The following RAB28 variants were observed in gnomAD, a reference collection of about 807,000 sequenced individuals.
RAB28 encodes RAB28, member RAS oncogene family, also known as ras-related protein Rab-28.
In RAB28, 24 loss-of-function variants were observed where a neutral mutation model predicts 31.7. The ratio of observed to expected loss-of-function variants is 0.76; its 90% CI spans 0.55 to 1.06. RAB28 has a LOEUF of 1.06. Ranked by LOEUF, RAB28 falls within the 50% of genes least tolerant of loss-of-function variation. The pLI is 0.00. For missense variants in RAB28, 254 were observed against 258.5 expected (o/e 0.98, Z 0.12); for synonymous variants, 100 against 90.4 (o/e 1.11, Z -0.60).
chr4:13,453,648 T>C (rs949882678), intron 4 of RAB28, among the ~76,000 whole-genome samples: 3 of 152,118 alleles, frequency 2.0e-5, no homozygotes, highest in Non-Finnish European at 2.9e-5. Context: ...GAACTTTCAA[T>C]AGGTAATTCC....
chr4:13,440,264 C>T (rs1714346740), intron 4 of RAB28, among the ~76,000 whole-genome samples: 2 of 151,706 alleles, frequency 1.3e-5, no homozygotes, highest in South Asian at 4.2e-4. Flanking sequence ...AGTAATAGTT[C>T]AAAAAGAAGA....
chr4:13,458,260 A>G (rs993840574), intron 4 of RAB28, among the ~76,000 whole-genome samples: 2 of 151,986 alleles, frequency 1.3e-5, no homozygotes, highest in Admixed American at 6.6e-5. Context: ...CTGTATTTTT[A>G]ACTCCTCAGA....
At chr4:13,371,974 T>A (rs986254685) in intron 6 of RAB28, 2 of 1,119,954 alleles carry the variant, frequency 1.8e-6, no homozygotes, top group African/African-American at 3.1e-5. Context: ...ATGGAGGGCA[T>A]AAGCAAGAAA....
At chr4:13,379,578 T>C (rs1457668679) in intron 5 of RAB28, among the ~76,000 whole-genome samples, 1 of 152,160 alleles carries the variant, frequency 6.6e-6, no homozygotes, top group African/African-American at 2.4e-5. Flanking sequence ...TTAGGATCAA[T>C]GTCTTGTAGG....
intron 4 of RAB28, among the ~76,000 whole-genome samples, chr4:13,446,951 C>T (rs1714729813): frequency 1.3e-5 from 2 of 152,174 alleles, no homozygotes; most frequent in South Asian, 2.1e-4. Flanking sequence ...AAACCTATTC[C>T]TCTTAACAGT....
chr4:13,474,238 G>A, intron 3 of RAB28, 80 bp downstream of exon 3: 1 of 888,188 alleles, frequency 1.1e-6, no homozygotes, highest in South Asian at 1.3e-5. Flanking sequence ...GTGTGTGTGT[G>A]TGCATTTGGG....
intron 4 of RAB28, among the ~76,000 whole-genome samples, chr4:13,412,941 C>T (rs2108911272): frequency 6.6e-6 from 1 of 151,804 alleles, no homozygotes; most frequent in Non-Finnish European, 1.5e-5. Flanking sequence ...GAAAAAGACA[C>T]TACTGAAAAG....
At chr4:13,470,067 C>T (rs757824363) in intron 3 of RAB28, among the ~76,000 whole-genome samples, 4 of 151,998 alleles carry the variant, frequency 2.6e-5, no homozygotes, top group Non-Finnish European at 5.9e-5. Context: ...GATAATAGTT[C>T]GTCAGTGTAA....
At chr4:13,465,696 C>T (rs189400771) in intron 3 of RAB28, among the ~76,000 whole-genome samples, 27 of 151,010 alleles carry the variant, frequency 1.8e-4, no homozygotes, top group Admixed American at 3.3e-4. Flanking sequence ...AGAAACTAAA[C>T]TCTACATAGG....
intron 4 of RAB28, among the ~76,000 whole-genome samples, chr4:13,433,856 A>G (rs774435619): frequency 9.9e-5 from 15 of 152,142 alleles, no homozygotes; most frequent in Non-Finnish European, 2.1e-4. Context: ...ATATATATAT[A>G]TGCTCATATG....
At chr4:13,399,806 TTG>T (rs1165753453) in intron 4 of RAB28, among the ~76,000 whole-genome samples, 1 of 152,222 alleles carries the variant, frequency 6.6e-6, no homozygotes, top group East Asian at 1.9e-4. Context: ...TTCAGTTATT[TTG>T]TGTTACACAC....
intron 5 of RAB28, among the ~76,000 whole-genome samples, chr4:13,379,067 C>A (rs571596134): frequency 1.3e-5 from 2 of 151,240 alleles, no homozygotes; most frequent in African/African-American, 2.4e-5. Context: ...ATTAGCCAGG[C>A]GTGGTGGTGG....
intron 1 of RAB28, among the ~76,000 whole-genome samples, chr4:13,480,012 C>A (rs1716539592): frequency 6.6e-6 from 1 of 151,428 alleles, no homozygotes; most frequent in Non-Finnish European, 1.5e-5. Flanking sequence ...AAGAAAAGCA[C>A]CGTATGTAAT....
At chr4:13,451,868 T>C (rs148047660) in intron 4 of RAB28, among the ~76,000 whole-genome samples, 1,783 of 152,112 alleles carry the variant, frequency 0.012, 38 homozygotes, top group African/African-American at 0.04. Context: ...CTGAGTGTTC[T>C]TGAACATTTG....
intron 4 of RAB28, among the ~76,000 whole-genome samples, chr4:13,455,619 C>T (rs1217010397): frequency 1.3e-5 from 2 of 152,176 alleles, no homozygotes; most frequent in African/African-American, 2.4e-5. Context: ...ACTCACAAGG[C>T]GTGGGTGGGG....
intron 2 of RAB28, among the ~76,000 whole-genome samples, chr4:13,477,397 T>C (rs956855159): frequency 3.3e-5 from 5 of 151,586 alleles, no homozygotes; most frequent in African/African-American, 9.7e-5. Flanking sequence ...TCACCGACTA[T>C]GCTATAAATT....
intron 4 of RAB28, among the ~76,000 whole-genome samples, chr4:13,424,850 TCTA>T (rs996045978): frequency 6.6e-6 from 1 of 152,168 alleles, no homozygotes; most frequent in African/African-American, 2.4e-5. Flanking sequence ...AATTTCTCTC[TCTA>T]CTATTTCATT....
chr4:13,453,822 T>A (rs1715101924), intron 4 of RAB28, among the ~76,000 whole-genome samples: 1 of 152,164 alleles, frequency 6.6e-6, no homozygotes. Flanking sequence ...TTGGGTTAAA[T>A]CTACTTCAGG....
At chr4:13,463,010 G>A (rs1399032749) in intron 3 of RAB28, among the ~76,000 whole-genome samples, 2 of 152,106 alleles carry the variant, frequency 1.3e-5, no homozygotes, top group African/African-American at 2.4e-5. Flanking sequence ...GGCAACATTC[G>A]TTACCTCACT....
Sources: gnomAD v4.1 joint callset for allele counts (sites outside exome capture counted in the v4.1 genomes callset) on GRCh38, gnomAD v4.1.1 for gene constraint, MANE v1.5 for transcripts, NCBI Gene and HGNC (gene_info 2026-07-23, HGNC 2026-07-21) for gene names.